The following IL4R variants were observed in gnomAD, a reference collection of about 807,000 sequenced individuals.
IL4R encodes interleukin-4 receptor subunit alpha.
In IL4R, 17 loss-of-function variants were observed where a neutral mutation model predicts 41.5. That is an observed-to-expected ratio of 0.41 (90% CI 0.28 to 0.61). The LOEUF (loss-of-function observed/expected upper bound fraction) is 0.61. IL4R is among the 20% of genes least tolerant of loss of function. IL4R has a pLI of 0.31. For synonymous variants in IL4R, 402 were observed against 422.9 expected, an observed-to-expected ratio of 0.95 and a Z score of 0.61; for missense variants, 974 against 1,043.1, an observed-to-expected ratio of 0.93 and a Z score of 0.91.
At chr16:27,354,955 TG>T in intron 7 of IL4R, 1 of 443,550 alleles carries the variant, frequency 2.3e-6, no homozygotes, top group Non-Finnish European at 4.9e-6. Context: ...GCCATTGGCA[TG>T]GGGAAGGGAA....
intron 3 of IL4R, chr16:27,341,237 TC>T: frequency 1.5e-6 from 1 of 661,886 alleles, no homozygotes; most frequent in East Asian, 2.8e-5. Context: ...CCAGGATGAC[TC>T]CAAGATTTCT....
Position 27,363,157 on chromosome 16 carries a change from G to T in IL4R, c.1805G>T (p.Gly602Val). Residue 602 changes from glycine to valine, a missense_variant, in exon 11 of 11, where the codon GGT becomes GTT. Coordinates refer to ENST00000395762, the MANE Select transcript of IL4R (RefSeq NM_000418.4). ...GGCTTGGGTCCCCCAGGAGAGGCTG[G>T]TTACAAGGCCTTCTCAAGCCTGCTT... ...VVGLGPPGEAGYKAFSSLLAS... is the reference protein window; with the variant it reads ...VVGLGPPGEAVYKAFSSLLAS... 1 of 1,613,052 alleles carries T rather than the reference G, an allele frequency of 6.2e-7. No homozygotes were observed. Among genetic ancestry groups the T allele is most frequent in the Non-Finnish European group, 8.5e-7 (1 of 1,179,412 alleles).
intron 1 of IL4R, among the ~76,000 whole-genome samples, chr16:27,322,364 A>G (rs1478486246): frequency 1.3e-5 from 2 of 152,004 alleles, no homozygotes; most frequent in Non-Finnish European, 2.9e-5. Context: ...TTTTGTAGAG[A>G]TGGGATTTCG....
At chr16:27,324,718 T>A (rs2084906298) in intron 1 of IL4R, among the ~76,000 whole-genome samples, 1 of 152,226 alleles carries the variant, frequency 6.6e-6, no homozygotes, top group Non-Finnish European at 1.5e-5. Flanking sequence ...GCCTCTGGAA[T>A]CTTCTGAAGA....
chr16:27,362,524 G>T lies in IL4R; in HGVS notation c.1172G>T (p.Ser391Ile). 3 of 1,614,214 alleles carry T rather than the reference G, an allele frequency of 1.9e-6. No individual in the cohort carries two copies. Among genetic ancestry groups the T allele is most frequent in the Non-Finnish European group, 2.5e-6 (3 of 1,180,048 alleles). Residue 391 changes from serine to isoleucine, a missense_variant, in exon 11 of 11, where the codon AGC (serine) becomes ATC (isoleucine). By Grantham distance (142) the Ser-to-Ile change is moderately radical (BLOSUM62 -2). Around this residue, in one of 3 missense-constraint regions of IL4R, gnomAD observed 682 missense variants for 704.3 expected, o/e 0.97. Coordinates refer to ENST00000395762, the MANE Select transcript of IL4R (RefSeq NM_000418.4). ...KGSFCASPES[S>I]RDDFQEGREG... ...AGCTTCTGTGCATCGCCTGAGAGCAGCAGGGATGACTTCCAGGAGGGAAGG... is the reference window on the plus strand; with the variant it reads ...AGCTTCTGTGCATCGCCTGAGAGCATCAGGGATGACTTCCAGGAGGGAAGG...
In IL4R at chr16:27,363,112, C is replaced by T. The variant is rs1177757261; in HGVS notation, c.1760C>T (p.Thr587Ile). ...EFVHAVEQGG[T>I]QASAVVGLGP... Reference sequence around the variant, plus strand: ...GTACATGCGGTGGAGCAGGGTGGCACCCAGGCCAGTGCGGTGGTGGGCTTG... The same window carrying T: ...GTACATGCGGTGGAGCAGGGTGGCATCCAGGCCAGTGCGGTGGTGGGCTTG... The change falls in exon 11 of 11, where the codon ACC becomes ATC. Residue 587 changes from threonine (T) to isoleucine (I), a missense_variant. Transcript: ENST00000395762. 1 of 1,613,906 alleles carries T rather than the reference C, an allele frequency of 6.2e-7. No homozygotes were observed. The highest frequency in any genetic ancestry group is 1.3e-5 in the African/African-American group (1 of 74,924).
At chr16:27,353,004 T>C (rs1363523979) in intron 7 of IL4R, among the ~76,000 whole-genome samples, 1 of 152,236 alleles carries the variant, frequency 6.6e-6, no homozygotes, top group African/African-American at 2.4e-5. Flanking sequence ...GGAGTGAGGT[T>C]CTTTCCATCT....
intron 2 of IL4R, among the ~76,000 whole-genome samples, chr16:27,333,466 TC>T (rs2085168737): frequency 6.6e-6 from 1 of 152,096 alleles, no homozygotes; most frequent in South Asian, 2.1e-4. Flanking sequence ...AAACGTGGGT[TC>T]TGATTCTAGC....
chr16:27,322,803 C>T (rs902506546), intron 1 of IL4R, among the ~76,000 whole-genome samples: 11 of 152,170 alleles, frequency 7.2e-5, no homozygotes, highest in Admixed American at 2.0e-4. Context: ...TGTCAGTACT[C>T]CTGTACTAAT....
In IL4R at chr16:27,363,939, T is replaced by TG; in HGVS notation, c.*110dup. ...CAGGCTGGCAGATTTCCAAAAGACT[T>TG]GAAGAACCATGGTATGAAGGTGATT... On this transcript the variant is annotated 3_prime_UTR_variant, in exon 11 of 11. Coordinates refer to ENST00000395762, the MANE Select transcript of IL4R (RefSeq NM_000418.4). 1 of 1,296,442 alleles carries TG rather than the reference T, an allele frequency of 7.7e-7. No homozygotes were observed. The highest frequency in any genetic ancestry group is 1.1e-6 in the Non-Finnish European group (1 of 944,458). The allele number at this position is 1,296,442 out of a possible 1,614,324, so 80.3% of individuals were successfully genotyped here.
chr16:27,360,620 G>A, intron 9 of IL4R, 146 bp from the exon 10 acceptor site: 1 of 983,052 alleles, frequency 1.0e-6, no homozygotes, highest in Non-Finnish European at 1.6e-6. Context: ...TAATTCCCAG[G>A]AATCTGAAGC....
At chr16:27,348,449 C>CCCTGCG (rs2085741461) in intron 6 of IL4R, among the ~76,000 whole-genome samples, 1 of 152,196 alleles carries the variant, frequency 6.6e-6, no homozygotes, top group Non-Finnish European at 1.5e-5. Context: ...TCTAGATCTG[C>CCCTGCG]CTTCAGGCAT....
chr16:27,361,372 G>A (rs567552616), intron 10 of IL4R, among the ~76,000 whole-genome samples: 7 of 152,104 alleles, frequency 4.6e-5, no homozygotes, highest in Non-Finnish European at 8.8e-5. Flanking sequence ...ACTTGAACCC[G>A]GGAGGCAGAG....
chr16:27,349,620 A>G (rs1422283864), intron 6 of IL4R, among the ~76,000 whole-genome samples: 14 of 152,212 alleles, frequency 9.2e-5, no homozygotes, highest in Admixed American at 7.9e-4. Flanking sequence ...ATAAAGCACC[A>G]AACAAAGCCA....
At position 27,362,401 on chromosome 16, in the gene IL4R, T is replaced by A; in HGVS notation, c.1049T>A (p.Val350Asp). Residue 350 changes from valine to aspartate, a missense_variant, in exon 11 of 11, where the codon GTC (valine) becomes GAC (aspartate). Transcript: ENST00000395762. Reference sequence around the variant, plus strand: ...TGCCCAGTGGAGATCAGCAAGACAGTCCTCTGGCCAGAGAGCATCAGCGTG... The same window carrying A: ...TGCCCAGTGGAGATCAGCAAGACAGACCTCTGGCCAGAGAGCATCAGCGTG... Reference protein sequence around the residue: ...AWCPVEISKTVLWPESISVVR... With the variant: ...AWCPVEISKTDLWPESISVVR... 1 of 1,614,064 alleles carries A rather than the reference T, an allele frequency of 6.2e-7. No homozygotes were observed. The highest frequency in any genetic ancestry group is 8.5e-7 in the Non-Finnish European group (1 of 1,179,996).
rs3024682 is a variant in IL4R at position 27,364,102 on chromosome 16, G to A, written c.*272G>A. 765 of 425,052 alleles carry A rather than the reference G, an allele frequency of 1.8e-3. 5 individuals carry two copies. Among genetic ancestry groups the A allele is most frequent in the African/African-American group, 0.014 (707 of 49,898 alleles). 26.3% of individuals were successfully genotyped at this position (425,052 alleles called of 1,614,324 possible). A position where few individuals can be genotyped will look rare whatever the true frequency, so the allele number is the denominator to read the frequency against. Reference sequence around the variant, plus strand: ...CGGCAGGCCCCTGCAGGAAAACTGAGGCCCTTGGGCACCTCGACTTGTGAA... The same window carrying A: ...CGGCAGGCCCCTGCAGGAAAACTGAAGCCCTTGGGCACCTCGACTTGTGAA... On this transcript the variant is annotated 3_prime_UTR_variant, in exon 11 of 11. Coordinates refer to ENST00000395762, the MANE Select transcript of IL4R (RefSeq NM_000418.4).
chr16:27,360,977 C>T (rs1369312158), intron 10 of IL4R, 162 bp downstream of exon 10: 6 of 1,502,026 alleles, frequency 4.0e-6, no homozygotes, highest in South Asian at 2.6e-5. Flanking sequence ...GTTCTGGAAA[C>T]GTGGACTGCT....
intron 6 of IL4R, among the ~76,000 whole-genome samples, chr16:27,352,284 T>C (rs1254598616): frequency 6.6e-6 from 1 of 152,198 alleles, no homozygotes; most frequent in Admixed American, 6.5e-5. Context: ...GATTGAATTA[T>C]CTCACGAAAA....
Position 27,345,053 on chromosome 16 carries a change from G to C in IL4R, c.361+33G>C, listed in dbSNP as rs1034710194. 74 of 1,591,704 alleles carry C rather than the reference G, an allele frequency of 4.6e-5. No homozygotes were observed. The highest frequency in any genetic ancestry group is 6.2e-5 in the Non-Finnish European group (73 of 1,168,122). On this transcript the variant is annotated intron_variant, in intron 5 of 10. Coordinates refer to ENST00000395762, the MANE Select transcript of IL4R (RefSeq NM_000418.4). The surrounding 1 kb of genome is among the most constrained non-coding windows in gnomAD (Gnocchi z 4.5). The stretch of plus-strand genomic sequence containing the variant: ...GGGCGGAGTGCGGCAGGGGTGGCTG[G>C]GTGTGTTCCCACAGCTGCCTGGGCT...
Sources: allele counts gnomAD v4.1 joint callset (sites outside exome capture counted in the v4.1 genomes callset), GRCh38; gene constraint gnomAD v4.1.1; regional missense constraint gnomAD v4.1.1; non-coding constraint Gnocchi (gnomAD v3.1); transcripts MANE v1.5; gene names NCBI Gene and HGNC (gene_info 2026-07-23, HGNC 2026-07-21).